The following GPHN variants were observed in gnomAD, a reference collection of about 807,000 sequenced individuals.
GPHN encodes the protein gephyrin.
GPHN carries 17 observed loss-of-function variants against 95.5 expected under a neutral mutation model. The observed-to-expected ratio is 0.18, with a 90% CI of 0.12 to 0.27. The LOEUF (loss-of-function observed/expected upper bound fraction) is 0.27. Ranked by LOEUF, GPHN falls within the 10% of genes least tolerant of loss-of-function variation. The pLI, the probability that GPHN is intolerant of heterozygous loss-of-function variation, is 1.00. For missense variants in GPHN, 660 were observed against 978.1 expected, an observed-to-expected ratio of 0.67 and a Z score of 4.34; for synonymous variants, 320 against 322.5, an observed-to-expected ratio of 0.99 and a Z score of 0.08.
At chr14:67,594,861 T>TA in the GPHN span, among the ~76,000 whole-genome samples, 3 of 151,928 alleles carry the variant, frequency 2.0e-5, no homozygotes, top group African/African-American at 4.8e-5. Flanking sequence ...TCAGAACACT[T>TA]ACATTAGGCC....
chr14:67,457,940 G>A, the GPHN span, among the ~76,000 whole-genome samples: 3 of 152,326 alleles, frequency 2.0e-5, no homozygotes, highest in East Asian at 5.8e-4. Flanking sequence ...GATGAGGACA[G>A]GGCTGCTCTC....
chr14:66,651,491 C>G (rs1179011074), intron 1 of GPHN, among the ~76,000 whole-genome samples: 2 of 152,118 alleles, frequency 1.3e-5, no homozygotes, highest in African/African-American at 4.8e-5. Flanking sequence ...GTATTACCTC[C>G]CAACCACAAA....
At chr14:67,414,380 C>T in the GPHN span, among the ~76,000 whole-genome samples, 3 of 152,226 alleles carry the variant, frequency 2.0e-5, no homozygotes, top group African/African-American at 7.2e-5. Context: ...GAGCCACCAG[C>T]CCACCAGGGA....
intron 2 of GPHN, among the ~76,000 whole-genome samples, chr14:66,757,454 A>G (rs1242771331): frequency 1.3e-5 from 2 of 152,122 alleles, no homozygotes; most frequent in African/African-American, 4.8e-5. Flanking sequence ...CTGTGGCACT[A>G]TCTCAGCTCA....
chr14:67,382,435 T>C, the GPHN span: 1 of 1,606,158 alleles, frequency 6.2e-7, no homozygotes, highest in Non-Finnish European at 8.5e-7. Flanking sequence ...AATTTTTGTC[T>C]TTCTCTTTTA....
At chr14:67,418,637 G>A in the GPHN span, among the ~76,000 whole-genome samples, 1 of 152,214 alleles carries the variant, frequency 6.6e-6, no homozygotes, top group Non-Finnish European at 1.5e-5. Flanking sequence ...CAGCCAATGT[G>A]AGTGCGAAGT....
intron 16 of GPHN, among the ~76,000 whole-genome samples, chr14:67,122,008 G>A (rs1000478245): frequency 5.3e-5 from 8 of 152,044 alleles, no homozygotes; most frequent in African/African-American, 1.9e-4. Context: ...CAACCTGGTG[G>A]GATATTTTGC....
At chr14:67,245,916 A>G in the GPHN span, among the ~76,000 whole-genome samples, 129 of 151,348 alleles carry the variant, frequency 8.5e-4, 1 homozygote, top group Non-Finnish European at 3.4e-4. Context: ...TCTATGTTCC[A>G]TTTTGAGTTT....
chr14:66,578,853 G>A (rs1464443402), intron 1 of GPHN, among the ~76,000 whole-genome samples: 3 of 151,848 alleles, frequency 2.0e-5, no homozygotes, highest in South Asian at 4.1e-4. Flanking sequence ...GAAAAGGATG[G>A]TAATTGGTAA....
At position 67,047,334 on chromosome 14, in the gene GPHN, T is replaced by TTTG. The variant is rs2075075686; in HGVS notation, c.1007-11314_1007-11313insTGT. Among the ~76,000 whole-genome samples, 336 of 109,700 alleles carry TTTG rather than the reference T, an allele frequency of 3.1e-3. 2 individuals carry two copies. Among genetic ancestry groups the TTTG allele is most frequent in the East Asian group, 0.012 (39 of 3,386 alleles). 72.0% of individuals were successfully genotyped at this position (109,700 alleles called of 152,430 possible). On this transcript the variant is annotated intron_variant, in intron 10 of 22. Coordinates refer to ENST00000478722, the MANE Select transcript of GPHN (RefSeq NM_020806.5). ...TCATTTATTTTGTGTGTGTGTGTGT[T>TTTG]TGTGTGTGTGTGTGTGTGTGTGTGT... is the stretch of plus-strand genomic sequence containing the variant.
intron 11 of GPHN, among the ~76,000 whole-genome samples, chr14:67,086,448 G>A (rs1048739073): frequency 2.6e-5 from 4 of 151,830 alleles, no homozygotes; most frequent in South Asian, 2.1e-4. Context: ...TCAGGAGATC[G>A]AGACCATCCT....
chr14:67,659,908 C>T, the GPHN span: 2 of 1,613,188 alleles, frequency 1.2e-6, no homozygotes, highest in East Asian at 2.2e-5. Flanking sequence ...GTAGCTCCTC[C>T]TCCATCTCTG....
intron 1 of GPHN, among the ~76,000 whole-genome samples, chr14:66,595,715 C>T (rs568662373): frequency 6.6e-6 from 1 of 152,260 alleles, no homozygotes; most frequent in Non-Finnish European, 1.5e-5. Flanking sequence ...AACTGCAGAG[C>T]CCCATTGAGG....
At chr14:66,930,706 T>C (rs2066743685) in intron 8 of GPHN, among the ~76,000 whole-genome samples, 1 of 151,996 alleles carries the variant, frequency 6.6e-6, no homozygotes, top group South Asian at 2.1e-4. Flanking sequence ...TTGTATTTTT[T>C]GTAAAGACAG....
chr14:66,706,908 A>G (rs1307348760), intron 2 of GPHN, among the ~76,000 whole-genome samples: 1 of 152,212 alleles, frequency 6.6e-6, no homozygotes. Flanking sequence ...TTTGCAATCT[A>G]CACATCTGAC....
the GPHN span, chr14:67,589,257 G>T: frequency 1.3e-6 from 1 of 774,262 alleles, no homozygotes; most frequent in Non-Finnish European, 1.6e-6. Context: ...AACCCTTCAG[G>T]AACCCTTTAG....
intron 1 of GPHN, among the ~76,000 whole-genome samples, chr14:66,617,748 A>G (rs562254195): frequency 6.6e-6 from 1 of 152,010 alleles, no homozygotes; most frequent in African/African-American, 2.4e-5. Flanking sequence ...TTATTTTTTT[A>G]ATTATTGAAA....
the GPHN span, chr14:67,594,041 G>A: frequency 3.6e-6 from 3 of 840,768 alleles, no homozygotes; most frequent in Non-Finnish European, 3.8e-6. Context: ...GGAGGAAAAG[G>A]AAATTGCTTT....
chr14:67,523,062 T>C, the GPHN span, among the ~76,000 whole-genome samples: 4 of 152,168 alleles, frequency 2.6e-5, no homozygotes, highest in Non-Finnish European at 5.9e-5. Context: ...CGGTGGCTCA[T>C]GCCTATAATC....
Sources: allele counts gnomAD v4.1 joint callset (sites outside exome capture counted in the v4.1 genomes callset), GRCh38; gene constraint gnomAD v4.1.1; transcripts MANE v1.5; gene names NCBI Gene and HGNC (gene_info 2026-07-23, HGNC 2026-07-21).